PAPPA2: variants seen among roughly 807,000 people sequenced by gnomAD.
PAPPA2 encodes the protein pappalysin-2.
In PAPPA2, 86 loss-of-function variants were observed where a neutral mutation model predicts 176.4. That is an observed-to-expected ratio of 0.49 (90% confidence interval 0.41 to 0.58). PAPPA2 has a LOEUF of 0.58. Ranked by LOEUF, PAPPA2 falls within the 20% of genes least tolerant of loss-of-function variation. The pLI, the probability that PAPPA2 is intolerant of heterozygous loss-of-function variation, is 0.00. For synonymous variants in PAPPA2, 809 were observed against 852.2 expected (o/e 0.95, Z 0.88); for missense variants, 2,073 against 2,256.9 (o/e 0.92, Z 1.65).
chr1:176,513,314 A>G (rs1648728477), intron 1 of PAPPA2, among the ~76,000 whole-genome samples: 1 of 151,866 alleles, frequency 6.6e-6, no homozygotes, highest in Non-Finnish European at 1.5e-5. Context: ...TTACTTGCTT[A>G]TATTTTTCTA....
At chr1:176,484,022 A>T (rs890885068) in intron 1 of PAPPA2, among the ~76,000 whole-genome samples, 2 of 152,198 alleles carry the variant, frequency 1.3e-5, no homozygotes, top group Non-Finnish European at 2.9e-5. Context: ...TTGGTTCTAC[A>T]TACAGAATAT....
At chr1:176,612,254 C>T (rs1654970242) in intron 3 of PAPPA2, among the ~76,000 whole-genome samples, 1 of 151,852 alleles carries the variant, frequency 6.6e-6, no homozygotes, top group Non-Finnish European at 1.5e-5. Context: ...CTTAGCTGGG[C>T]GTGGTGGTGC....
intron 3 of PAPPA2, among the ~76,000 whole-genome samples, chr1:176,611,485 C>T (rs1173236518): frequency 6.6e-6 from 1 of 152,134 alleles, no homozygotes; most frequent in African/African-American, 2.4e-5. Context: ...TTGTTCTACC[C>T]CTTTTCCATA....
At position 176,845,314 on chromosome 1, in the gene PAPPA2, G is replaced by A. The variant is rs777953564; in HGVS notation, c.*2860G>A. On this transcript the variant is annotated 3_prime_UTR_variant, in exon 23 of 23. Transcript: ENST00000367662. The stretch of plus-strand genomic sequence containing the variant: ...AATCAGAAAGGCAGGTAAGGGGACA[G>A]GGTGAGGAGAATGGGCAGATACTGA... 3.9e-5 allele frequency: 6 copies of A among 152,224 alleles called. No individual in the cohort carries two copies. Among genetic ancestry groups the A allele is most frequent in the Non-Finnish European group, 8.8e-5 (6 of 68,036 alleles). 9.4% of individuals were successfully genotyped at this position (152,224 alleles called of 1,614,324 possible).
At chr1:176,585,872 A>G (rs1206770603) in intron 2 of PAPPA2, among the ~76,000 whole-genome samples, 1 of 152,090 alleles carries the variant, frequency 6.6e-6, no homozygotes, top group African/African-American at 2.4e-5. Flanking sequence ...TTCTCATTCA[A>G]ATAATGAATT....
At position 176,583,313 on chromosome 1, in the gene PAPPA2, G is replaced by A. The variant is rs117022735; in HGVS notation, c.920-11211G>A. On this transcript the variant is annotated intron_variant, in intron 2 of 22. Coordinates refer to ENST00000367662, the MANE Select transcript of PAPPA2 (RefSeq NM_020318.3). ...CTCATTGTTTGAAGTGCATTGTTAC[G>A]TTGTTGTTTTTTGAAATAGTTCCAA... 3.2e-4 allele frequency among the ~76,000 whole-genome samples: 49 copies of A among 151,672 alleles called. 1 individual carries two copies. The East Asian group carries it at 3.9e-3, about 12-fold the overall frequency.
intron 21 of PAPPA2, among the ~76,000 whole-genome samples, chr1:176,837,486 A>T (rs1431252629): frequency 2.6e-5 from 4 of 151,934 alleles, no homozygotes; most frequent in African/African-American, 7.2e-5. Flanking sequence ...GGCAAAAAAA[A>T]AAAAAAAAAA....
rs763140018 is a variant in PAPPA2 at position 176,702,772 on chromosome 1, TGTGTGAGAGA to T, written c.3365+39_3365+48del. On this transcript the variant is annotated intron_variant, in intron 9 of 22. Coordinates refer to ENST00000367662, the MANE Select transcript of PAPPA2 (RefSeq NM_020318.3). Reference sequence around the variant, plus strand: ...GTGTGTGTGTGTGTGTGTGTGTGTGTGTGTGAGAGAGAGAGAGAGAGAGAGAGAGAGGGAG... The same window carrying T: ...GTGTGTGTGTGTGTGTGTGTGTGTGTGAGAGAGAGAGAGAGAGAGAGGGAG... 1.4e-5 allele frequency: 22 copies of T among 1,553,818 alleles called. No individual in the cohort carries two copies. The African/African-American group carries it at 2.8e-4, about 20-fold the overall frequency.
intron 21 of PAPPA2, among the ~76,000 whole-genome samples, chr1:176,810,075 T>G (rs1349465844): frequency 2.6e-5 from 4 of 151,984 alleles, no homozygotes; most frequent in Non-Finnish European, 4.4e-5. Flanking sequence ...TCAGAAATTC[T>G]AGAGCTCTTT....
intron 11 of PAPPA2, 120 bp from the exon 12 acceptor site, chr1:176,711,715 A>G (rs1371231466): frequency 8.0e-6 from 9 of 1,130,994 alleles, no homozygotes; most frequent in South Asian, 1.6e-5. Context: ...TCTGCCAATA[A>G]TGTGATCATT....
At chr1:176,469,053 C>T (rs1012491558) in intron 1 of PAPPA2, among the ~76,000 whole-genome samples, 6 of 152,280 alleles carry the variant, frequency 3.9e-5, no homozygotes, top group African/African-American at 1.4e-4. Context: ...CCATCCTATC[C>T]TGCCTCCAAA....
intron 1 of PAPPA2, among the ~76,000 whole-genome samples, chr1:176,476,921 G>A (rs956963889): frequency 9.9e-5 from 15 of 152,112 alleles, no homozygotes; most frequent in Non-Finnish European, 4.4e-5. Context: ...ATGGAGTCAC[G>A]TGCTCTTGGA....
chr1:176,690,030 C>A (rs1218743585), intron 4 of PAPPA2, 107 bp from the exon 5 acceptor site: 1 of 1,053,008 alleles, frequency 9.5e-7, no homozygotes, highest in Admixed American at 2.3e-5. Context: ...TAAAGTGACT[C>A]CTTAGAGGCT....
chr1:176,725,282 C>A (rs1181210882), intron 12 of PAPPA2, among the ~76,000 whole-genome samples: 2 of 152,124 alleles, frequency 1.3e-5, no homozygotes, highest in South Asian at 4.1e-4. Context: ...CAAAAACAGG[C>A]AGTGGGTCAG....
intron 3 of PAPPA2, among the ~76,000 whole-genome samples, chr1:176,627,434 A>G (rs185714188): frequency 9.6e-4 from 146 of 152,344 alleles, no homozygotes; most frequent in African/African-American, 3.4e-3. Context: ...GAAGTTCAAT[A>G]AATTACACAA....
At chr1:176,642,574 G>T (rs1295785622) in intron 3 of PAPPA2, among the ~76,000 whole-genome samples, 1 of 151,876 alleles carries the variant, frequency 6.6e-6, no homozygotes, top group Non-Finnish European at 1.5e-5. Flanking sequence ...GATTGCTTCA[G>T]ATGCTTTGTG....
intron 21 of PAPPA2, among the ~76,000 whole-genome samples, chr1:176,822,936 G>A (rs1666720375): frequency 6.6e-6 from 1 of 152,106 alleles, no homozygotes; most frequent in Non-Finnish European, 1.5e-5. Flanking sequence ...TCAAATTAAG[G>A]TAATAACCAC....
chr1:176,696,477 A>T (rs1660390781), intron 7 of PAPPA2, among the ~76,000 whole-genome samples: 1 of 152,166 alleles, frequency 6.6e-6, no homozygotes, highest in Admixed American at 6.5e-5. Context: ...AGGCTCCAGG[A>T]AGGGGAAAAT....
chr1:176,644,696 T>A (rs774840807), intron 3 of PAPPA2, among the ~76,000 whole-genome samples: 3 of 151,838 alleles, frequency 2.0e-5, no homozygotes, highest in African/African-American at 4.8e-5. Context: ...AGTGCTGTGC[T>A]GCAGTAATAC....
Sources: gnomAD v4.1 joint callset for allele counts (sites outside exome capture counted in the v4.1 genomes callset) on GRCh38, gnomAD v4.1.1 for gene constraint, MANE v1.5 for transcripts, NCBI Gene and HGNC (gene_info 2026-07-23, HGNC 2026-07-21) for gene names.